Variants in FAM174B observed in about 807,000 individuals in gnomAD.
FAM174B encodes the protein family with sequence similarity 174 member B, also known as membrane protein FAM174B.
In FAM174B, 12 loss-of-function variants were observed where a neutral mutation model predicts 10.9. That is an observed-to-expected ratio of 1.10 (90% CI 0.71 to 1.79). The LOEUF (loss-of-function observed/expected upper bound fraction) is 1.79. Among genes scored for constraint, FAM174B ranks in the 40% most tolerant of loss-of-function variants. FAM174B has a pLI of 0.00. For missense variants in FAM174B, 266 were observed against 233.3 expected, an observed-to-expected ratio of 1.14 and a Z score of -0.91; for synonymous variants, 132 against 115.8, an observed-to-expected ratio of 1.14 and a Z score of -0.90.
intron 2 of FAM174B, among the ~76,000 whole-genome samples, chr15:92,625,802 A>G (rs943138228): frequency 2.0e-5 from 3 of 152,218 alleles, no homozygotes; most frequent in Non-Finnish European, 4.4e-5. Context: ...TGTAATAAGA[A>G]AAGCCAGCAC....
rs2050700896 is a variant in FAM174B at position 92,619,075 on chromosome 15, T to C, written c.*381A>G. The C allele has an allele frequency of 1.6e-6, 1 of 621,180 alleles. No individual in the cohort carries two copies. Among genetic ancestry groups the C allele is most frequent in the Non-Finnish European group, 2.9e-6 (1 of 348,118 alleles). The allele number at this position is 621,180 out of a possible 1,614,324, so 38.5% of individuals were successfully genotyped here. On this transcript the variant is annotated 3_prime_UTR_variant, in exon 3 of 3. Coordinates refer to ENST00000327355, the MANE Select transcript of FAM174B (RefSeq NM_207446.3). ...CACAGTTGGACATCCTTCAGGCTTGTTTTAGATTCTTGATCCTCCTGATCT... is the reference window on the plus strand; with the variant it reads ...CACAGTTGGACATCCTTCAGGCTTGCTTTAGATTCTTGATCCTCCTGATCT...
intron 2 of FAM174B, among the ~76,000 whole-genome samples, chr15:92,624,521 T>A (rs988085122): frequency 6.6e-6 from 1 of 152,238 alleles, no homozygotes; most frequent in Admixed American, 6.5e-5. Flanking sequence ...AAGCCAGGTC[T>A]GTTTTCCCAT....
intron 1 of FAM174B, among the ~76,000 whole-genome samples, chr15:92,639,891 A>G (rs1378449199): frequency 2.0e-5 from 3 of 152,198 alleles, no homozygotes; most frequent in Non-Finnish European, 4.4e-5. Flanking sequence ...ATGCTGAACC[A>G]TTAGCCAATA....
At chr15:92,643,603 A>T (rs2050906397) in intron 1 of FAM174B, among the ~76,000 whole-genome samples, 1 of 152,180 alleles carries the variant, frequency 6.6e-6, no homozygotes, top group Admixed American at 6.6e-5. Context: ...ATTAAAATAA[A>T]TTTTGAAATG....
intron 1 of FAM174B, among the ~76,000 whole-genome samples, chr15:92,631,665 T>C (rs1202221332): frequency 1.4e-5 from 2 of 148,062 alleles, no homozygotes; most frequent in African/African-American, 2.5e-5. Context: ...CGGCTAATTT[T>C]TTTTTTGTAT....
At chr15:92,642,664 A>G (rs1596301515) in intron 1 of FAM174B, among the ~76,000 whole-genome samples, 2 of 152,184 alleles carry the variant, frequency 1.3e-5, no homozygotes, top group Admixed American at 6.5e-5. Context: ...CGCCATGATT[A>G]TAAGTTCCCT....
At chr15:92,647,459 C>A (rs1338272366) in intron 1 of FAM174B, among the ~76,000 whole-genome samples, 1 of 152,188 alleles carries the variant, frequency 6.6e-6, no homozygotes, top group Non-Finnish European at 1.5e-5. Flanking sequence ...GCCCCCCAGC[C>A]AGTTGAAGAG....
intron 2 of FAM174B, among the ~76,000 whole-genome samples, chr15:92,623,303 A>T (rs1311910938): frequency 6.6e-6 from 1 of 152,188 alleles, no homozygotes; most frequent in Non-Finnish European, 1.5e-5. Flanking sequence ...CTAGGTGACA[A>T]GCAGAGATTC....
chr15:92,641,234 G>T (rs914198201), intron 1 of FAM174B, among the ~76,000 whole-genome samples: 1 of 152,130 alleles, frequency 6.6e-6, no homozygotes, highest in African/African-American at 2.4e-5. Flanking sequence ...TGTTGGCAAG[G>T]ATGTACAGAA....
At chr15:92,650,147 T>C (rs572067585) in intron 1 of FAM174B, among the ~76,000 whole-genome samples, 2 of 152,376 alleles carry the variant, frequency 1.3e-5, no homozygotes, top group Admixed American at 6.5e-5. Context: ...ATTAAGCTTT[T>C]ATATTTTCTT....
intron 2 of FAM174B, among the ~76,000 whole-genome samples, chr15:92,624,279 T>C (rs753758377): frequency 2.0e-5 from 3 of 152,210 alleles, no homozygotes; most frequent in Non-Finnish European, 2.9e-5. Context: ...CTCTGGTTCC[T>C]TCCAGGCCTT....
intron 2 of FAM174B, among the ~76,000 whole-genome samples, chr15:92,629,324 A>C (rs1247695744): frequency 6.6e-6 from 1 of 152,178 alleles, no homozygotes; most frequent in African/African-American, 2.4e-5. Flanking sequence ...ACACCTCAAA[A>C]TGATCTGAAA....
At chr15:92,629,785 G>C (rs1481705840) in intron 2 of FAM174B, among the ~76,000 whole-genome samples, 1 of 152,108 alleles carries the variant, frequency 6.6e-6, no homozygotes, top group Non-Finnish European at 1.5e-5. Context: ...GAGGGACTCG[G>C]TAGGTAACTG....
In FAM174B at chr15:92,641,100, G is replaced by T. The variant is rs113080337; in HGVS notation, c.345-10755C>A. 3.5e-3 allele frequency among the ~76,000 whole-genome samples: 528 copies of T among 151,850 alleles called. 5 individuals carry two copies. Among genetic ancestry groups the T allele is most frequent in the African/African-American group, 0.012 (479 of 41,376 alleles). On this transcript the variant is annotated intron_variant, in intron 1 of 2. Transcript: ENST00000327355. ...CACACACACAAACCTAAATGGCTCC[G>T]CATTCTTAACTATGAAAAAATGTCC... is the stretch of plus-strand genomic sequence containing the variant.
At chr15:92,645,148 G>GCA (rs768626135) in intron 1 of FAM174B, among the ~76,000 whole-genome samples, 2 of 152,314 alleles carry the variant, frequency 1.3e-5, no homozygotes, top group East Asian at 3.9e-4. Flanking sequence ...GTAATGATAT[G>GCA]CACGTTCCAC....
intron 2 of FAM174B, among the ~76,000 whole-genome samples, chr15:92,622,662 A>C (rs1385029452): frequency 6.6e-6 from 1 of 152,232 alleles, no homozygotes; most frequent in Non-Finnish European, 1.5e-5. Context: ...TGCTGGCTTA[A>C]ACGTCCCTTT....
intron 1 of FAM174B, among the ~76,000 whole-genome samples, chr15:92,649,038 C>A (rs1187134305): frequency 6.6e-6 from 1 of 152,216 alleles, no homozygotes; most frequent in Non-Finnish European, 1.5e-5. Flanking sequence ...TCTCTTGACA[C>A]TCGCCCTACA....
At chr15:92,651,134 G>A (rs1347497444) in intron 1 of FAM174B, among the ~76,000 whole-genome samples, 2 of 152,190 alleles carry the variant, frequency 1.3e-5, no homozygotes, top group African/African-American at 4.8e-5. Flanking sequence ...CCATCAGATT[G>A]GAAAGCATTA....
chr15:92,652,879 G>T (rs2050975919), intron 1 of FAM174B, among the ~76,000 whole-genome samples: 1 of 152,118 alleles, frequency 6.6e-6, no homozygotes, highest in African/African-American at 2.4e-5. Context: ...AGGTTACAGG[G>T]GAGCGTGGGA....
Sources: gnomAD v4.1 joint callset for allele counts (sites outside exome capture counted in the v4.1 genomes callset) on GRCh38, gnomAD v4.1.1 for gene constraint, MANE v1.5 for transcripts, NCBI Gene and HGNC (gene_info 2026-07-23, HGNC 2026-07-21) for gene names.